TBXAS1: variants seen among roughly 807,000 people sequenced by gnomAD.
The protein encoded by TBXAS1 is thromboxane A synthase 1.
TBXAS1 carries 48 observed loss-of-function variants against 60.7 expected under a neutral mutation model. That is an observed-to-expected ratio of 0.79 (90% CI 0.63 to 1.01). The LOEUF is 1.01. TBXAS1 is among the 50% of genes least tolerant of loss of function. TBXAS1 has a pLI of 0.00. For synonymous variants in TBXAS1, 287 were observed against 269.7 expected (o/e 1.06, Z -0.63); for missense variants, 685 against 686.3 (o/e 1.00, Z 0.02).
intron 3 of TBXAS1, among the ~76,000 whole-genome samples, chr7:139,898,413 C>CTTTTTTTTTTGTTT (rs1804279722): frequency 1.2e-5 from 1 of 82,222 alleles, no homozygotes; most frequent in African/African-American, 4.9e-5. Context: ...ACGTGCATGG[C>CTTTTTTTTTTGTTT]TTTTTTTTTT....
At chr7:139,940,161 A>G (rs1208981848) in intron 5 of TBXAS1, among the ~76,000 whole-genome samples, 1 of 152,184 alleles carries the variant, frequency 6.6e-6, no homozygotes, top group African/African-American at 2.4e-5. Flanking sequence ...CCCTTTGCAT[A>G]TGAAGAGCAG....
chr7:139,942,823 G>A (rs1569516778), intron 5 of TBXAS1, among the ~76,000 whole-genome samples: 2 of 152,194 alleles, frequency 1.3e-5, no homozygotes. Context: ...TCCCCGTCAA[G>A]AAGGCACAGT....
intron 9 of TBXAS1, among the ~76,000 whole-genome samples, chr7:139,974,214 C>A (rs2117462349): frequency 6.6e-6 from 1 of 152,202 alleles, no homozygotes; most frequent in East Asian, 1.9e-4. Flanking sequence ...TAAAATGAAC[C>A]AACTTTTTCA....
intron 4 of TBXAS1, among the ~76,000 whole-genome samples, chr7:139,915,141 A>G (rs1030878235): frequency 6.6e-6 from 1 of 152,216 alleles, no homozygotes; most frequent in Non-Finnish European, 1.5e-5. Context: ...CCAATTCCAT[A>G]TCGATGGTAA....
chr7:139,935,666 TC>T (rs1190080071), intron 4 of TBXAS1, among the ~76,000 whole-genome samples: 1 of 151,752 alleles, frequency 6.6e-6, no homozygotes, highest in Non-Finnish European at 1.5e-5. Flanking sequence ...GAAGCAGTTC[TC>T]CTAGCACACG....
chr7:139,955,733 G>A, intron 7 of TBXAS1, 126 bp downstream of exon 7: 1 of 1,411,434 alleles, frequency 7.1e-7, no homozygotes, highest in Non-Finnish European at 9.8e-7. Flanking sequence ...TTGTTCCCCT[G>A]CAGAGGCTTT....
At chr7:139,791,863 A>G (rs1797395049) in intron 4 of TBXAS1, among the ~76,000 whole-genome samples, 1 of 143,692 alleles carries the variant, frequency 7.0e-6, no homozygotes, top group African/African-American at 2.5e-5. Flanking sequence ...TTGGAATTAA[A>G]TTTTTAGGTA....
intron 1 of TBXAS1, among the ~76,000 whole-genome samples, chr7:139,866,841 A>G (rs957499694): frequency 6.7e-6 from 1 of 149,884 alleles, no homozygotes; most frequent in African/African-American, 2.5e-5. Context: ...TACACAGTGA[A>G]AAAAACCAAG....
At chr7:139,927,104 C>T (rs1377236891) in intron 4 of TBXAS1, among the ~76,000 whole-genome samples, 3 of 151,958 alleles carry the variant, frequency 2.0e-5, no homozygotes, top group Non-Finnish European at 4.4e-5. Context: ...AAGCAATTCT[C>T]ATGCCTCAAC....
intron 1 of TBXAS1, among the ~76,000 whole-genome samples, chr7:139,868,095 G>A (rs989198817): frequency 2.0e-5 from 3 of 152,302 alleles, no homozygotes; most frequent in East Asian, 1.9e-4. Context: ...TCCAACTTAA[G>A]TATCCTTGAT....
intron 4 of TBXAS1, among the ~76,000 whole-genome samples, chr7:139,933,541 C>A: frequency 6.6e-6 from 1 of 152,212 alleles, no homozygotes; most frequent in South Asian, 2.1e-4. Flanking sequence ...GTGGCCATGG[C>A]GCTCCCAAAG....
chr7:139,807,091 C>T (rs977284406), intron 4 of TBXAS1, among the ~76,000 whole-genome samples: 24 of 152,314 alleles, frequency 1.6e-4, no homozygotes, highest in Middle Eastern at 3.4e-3. Context: ...GTCCAACTGC[C>T]CTCCCTGCTG....
rs1252337741 is a variant in TBXAS1 at position 139,999,969 on chromosome 7, C to T, written c.1135-7122C>T. 6.6e-6 allele frequency among the ~76,000 whole-genome samples: 1 copy of T among 152,068 alleles called. No homozygotes were observed. The highest frequency in any genetic ancestry group is 1.5e-5 in the Non-Finnish European group (1 of 68,004). On this transcript the variant is annotated intron_variant, in intron 9 of 12. Transcript: ENST00000448866. This position sits in a 1 kb window ranked among gnomAD's most constrained non-coding sequence, Gnocchi z 4.3. ...GCAATGACATTTTTATTTTCTTTTTCTCATTTATACTCCAGATGACATCTG... is the reference window on the plus strand; with the variant it reads ...GCAATGACATTTTTATTTTCTTTTTTTCATTTATACTCCAGATGACATCTG...
At chr7:139,781,198 A>G (rs1388675246) in intron 2 of TBXAS1, among the ~76,000 whole-genome samples, 1 of 152,232 alleles carries the variant, frequency 6.6e-6, no homozygotes, top group Non-Finnish European at 1.5e-5. Context: ...TTCGTATGAT[A>G]TAACGGAAAA....
At chr7:139,959,773 C>A (rs938015476) in intron 8 of TBXAS1, among the ~76,000 whole-genome samples, 14 of 152,180 alleles carry the variant, frequency 9.2e-5, no homozygotes, top group African/African-American at 3.4e-4. Context: ...GCCTCAGGGA[C>A]CACAATGATA....
chr7:139,785,272 C>T (rs1158408556), intron 3 of TBXAS1, among the ~76,000 whole-genome samples: 1 of 152,044 alleles, frequency 6.6e-6, no homozygotes. Context: ...TCTTGGCAAG[C>T]TGATCTCTAG....
At chr7:139,940,589 C>T (rs955895436) in intron 5 of TBXAS1, among the ~76,000 whole-genome samples, 11 of 152,116 alleles carry the variant, frequency 7.2e-5, no homozygotes, top group African/African-American at 2.7e-4. Flanking sequence ...AGACCGACTA[C>T]ATCTCCAGGC....
intron 4 of TBXAS1, among the ~76,000 whole-genome samples, chr7:139,915,964 C>T (rs1433973334): frequency 6.6e-6 from 1 of 152,172 alleles, no homozygotes; most frequent in African/African-American, 2.4e-5. Context: ...CTCAGTGCTT[C>T]CTGAAACTGC....
chr7:139,878,697 A>T (rs1047431374), intron 3 of TBXAS1, among the ~76,000 whole-genome samples: 3 of 152,248 alleles, frequency 2.0e-5, no homozygotes, highest in African/African-American at 7.2e-5. Flanking sequence ...ACTCATTGGG[A>T]ATGGACTATG....
Sources: allele counts gnomAD v4.1 joint callset (sites outside exome capture counted in the v4.1 genomes callset), GRCh38; gene constraint gnomAD v4.1.1; non-coding constraint Gnocchi (gnomAD v3.1); transcripts MANE v1.5; gene names NCBI Gene and HGNC (gene_info 2026-07-23, HGNC 2026-07-21).